The following USP24 variants were observed in gnomAD, a reference collection of about 807,000 sequenced individuals.
USP24 encodes ubiquitin carboxyl-terminal hydrolase 24.
USP24 carries 97 observed loss-of-function variants against 361.6 expected under a neutral mutation model. The ratio of observed to expected loss-of-function variants is 0.27; its 90% CI spans 0.23 to 0.32. USP24 has a LOEUF of 0.32. Among genes scored for constraint, USP24 ranks in the 10% least tolerant of loss-of-function variants. USP24 has a pLI of 1.00. For synonymous variants in USP24, 1,098 were observed against 1,124.6 expected (o/e 0.98, Z 0.47); for missense variants, 2,353 against 3,165.6 (o/e 0.74, Z 6.16).
intron 1 of USP24, among the ~76,000 whole-genome samples, chr1:55,178,852 CCTGT>C (rs1489689747): frequency 1.3e-5 from 2 of 152,142 alleles, no homozygotes; most frequent in African/African-American, 2.4e-5. Flanking sequence ...AGAGTGAGAG[CCTGT>C]CTCTCTACAA....
At position 55,147,184 on chromosome 1, in the gene USP24, GGTAAA is replaced by G. The variant is rs927796353; in HGVS notation, c.2119-129_2119-125del. 6.8e-5 allele frequency: 66 copies of G among 967,930 alleles called. No homozygotes were observed. The African/African-American group carries it at 1.0e-3, about 15-fold the overall frequency. 60.0% of individuals were successfully genotyped at this position (967,930 alleles called of 1,614,324 possible). On this transcript the variant is annotated intron_variant, in intron 18 of 67. Transcript: ENST00000294383. ...CTTAATCCTTTTTCATATAATTTAG[GGTAAA>G]GTAAATATTAGAATTCTGTTTACAA...
chr1:55,071,797 C>T lies in USP24; in HGVS notation c.7800+17G>A, dbSNP rs1264800121. ...CAAGGCTGCCCTTTGCACACAAGGA[C>T]ATGCTGACCGTTATACCTGCTGTAG... On this transcript the variant is annotated intron_variant, in intron 67 of 67. Transcript: ENST00000294383. The T allele has an allele frequency of 1.2e-6, 2 of 1,603,714 alleles. No homozygotes were observed. The highest frequency in any genetic ancestry group is 8.5e-7 in the Non-Finnish European group (1 of 1,173,912).
intron 1 of USP24, among the ~76,000 whole-genome samples, chr1:55,187,401 C>T (rs1181130123): frequency 1.3e-5 from 2 of 152,194 alleles, no homozygotes; most frequent in Non-Finnish European, 2.9e-5. Flanking sequence ...AAGATGTCTG[C>T]TCTCACAGCT....
rs370882652 is a variant in USP24, at chr1:55,129,551, T to A, written c.3561A>T (p.Pro1187=). 4.3e-6 allele frequency: 7 copies of A among 1,613,916 alleles called. No homozygotes were observed. Among genetic ancestry groups the A allele is most frequent in the Non-Finnish European group, 5.9e-6 (7 of 1,179,820 alleles). The change falls in exon 32 of 68, where the codon CCA becomes CCT. Residue 1187 remains proline (P), a synonymous_variant. Transcript: ENST00000294383. ...TTCTGGCCATGTCATCATCAGCTGT[T>A]GGCATGAGTTTGGAGCTTAGAACCT... is the stretch of plus-strand genomic sequence containing the variant. ...NLEVLSSKLM[P]TADDDMARSC...
chr1:55,084,987 G>C (rs1645221674), intron 56 of USP24, among the ~76,000 whole-genome samples: 1 of 152,208 alleles, frequency 6.6e-6, no homozygotes, highest in Admixed American at 6.5e-5. Context: ...AAGGATTCTT[G>C]ATGCATCTTA....
Position 55,132,694 on chromosome 1 carries a change from A to G in USP24, c.3388T>C (p.Leu1130=), listed in dbSNP as rs948307675. ...GACTGAGAACTTGATTCAGACAGCA[A>G]TGTTTTCTAAGTTTAAGAGAATGAG... ...QLDSLGRKKT[L]LSESSSQSSK... The change falls in exon 31 of 68, where the codon TTG becomes CTG. Residue 1130 remains leucine (L), a synonymous_variant. Transcript: ENST00000294383. 5 of 1,612,320 alleles carry G rather than the reference A, an allele frequency of 3.1e-6. No individual in the cohort carries two copies. Among genetic ancestry groups the G allele is most frequent in the African/African-American group, 2.7e-5 (2 of 74,894 alleles).
intron 28 of USP24, among the ~76,000 whole-genome samples, chr1:55,136,737 C>T (rs1646746614): frequency 6.6e-6 from 1 of 152,050 alleles, no homozygotes; most frequent in South Asian, 2.1e-4. Context: ...ATTTGAGATA[C>T]AACAAGGCTG....
At chr1:55,122,240 T>C (rs923921386) in intron 36 of USP24, among the ~76,000 whole-genome samples, 2 of 152,136 alleles carry the variant, frequency 1.3e-5, no homozygotes, top group Non-Finnish European at 2.9e-5. Context: ...AATTTTTTTA[T>C]AGGTGGTTGG....
chr1:55,214,055 C>CT (rs1644917498), intron 1 of USP24, among the ~76,000 whole-genome samples: 1 of 152,014 alleles, frequency 6.6e-6, no homozygotes, highest in Non-Finnish European at 1.5e-5. Context: ...CCATCCCTGC[C>CT]TAGACCCTCC....
intron 39 of USP24, among the ~76,000 whole-genome samples, chr1:55,109,827 A>C (rs958899464): frequency 1.3e-5 from 2 of 152,218 alleles, no homozygotes; most frequent in African/African-American, 4.8e-5. Flanking sequence ...CACTATCAAC[A>C]TGCCGCAACA....
Position 55,204,310 on chromosome 1 carries a change from ATACACT to A in USP24, c.324+10474_324+10479del, listed in dbSNP as rs562226527. Among the ~76,000 whole-genome samples the A allele has an allele frequency of 6.3e-3, 958 of 152,290 alleles. 15 individuals are homozygous for A. The highest frequency in any genetic ancestry group is 0.022 in the African/African-American group (898 of 41,556). ...CAATTTCTCTTTTTGGGAAAAACTG[ATACACT>A]TACGCTTTTAGGATAAAAAATAATG... On this transcript the variant is annotated intron_variant, in intron 1 of 67. Coordinates refer to ENST00000294383, the MANE Select transcript of USP24 (RefSeq NM_015306.3).
chr1:55,082,958 T>C lies in USP24; in HGVS notation c.6975+314A>G, dbSNP rs1362522809. Reference sequence around the variant, plus strand: ...TAAAAGAACCACCACCAAGACAGCCTTGTTCACAGCCCCAGAGAGGAAGTA... The same window carrying C: ...TAAAAGAACCACCACCAAGACAGCCCTGTTCACAGCCCCAGAGAGGAAGTA... On this transcript the variant is annotated intron_variant, in intron 58 of 67. Coordinates refer to ENST00000294383, the MANE Select transcript of USP24 (RefSeq NM_015306.3). Among the ~76,000 whole-genome samples the C allele has an allele frequency of 3.3e-5, 5 of 152,216 alleles. No individual in the cohort carries two copies. In the East Asian group the frequency reaches 9.6e-4, roughly 29 times the overall value.
chr1:55,074,017 A>G, intron 63 of USP24, 111 bp from the exon 64 acceptor site: 1 of 814,400 alleles, frequency 1.2e-6, no homozygotes, highest in African/African-American at 1.7e-5. Context: ...TAATAAACAG[A>G]TAAGGAACAA....
At chr1:55,179,092 T>C (rs1650306143) in intron 1 of USP24, among the ~76,000 whole-genome samples, 1 of 152,184 alleles carries the variant, frequency 6.6e-6, no homozygotes, top group African/African-American at 2.4e-5. Flanking sequence ...TTCTCCAAAA[T>C]GGCTACTGTT....
intron 21 of USP24, 90 bp from the exon 22 acceptor site, chr1:55,143,209 C>T: frequency 1.1e-6 from 1 of 928,246 alleles, no homozygotes; most frequent in South Asian, 2.2e-5. Context: ...CATCATGAGT[C>T]CACACCTCTT....
At chr1:55,161,271 T>C (rs952688446) in intron 8 of USP24, among the ~76,000 whole-genome samples, 8 of 150,906 alleles carry the variant, frequency 5.3e-5, no homozygotes, top group African/African-American at 1.5e-4. Flanking sequence ...ACTCAAGAGG[T>C]TGAGGCAGGA....
chr1:55,125,465 G>A lies in USP24; in HGVS notation c.3815C>T (p.Pro1272Leu). 6.2e-7 allele frequency: 1 copy of A among 1,613,978 alleles called. No individual in the cohort carries two copies. The highest frequency in any genetic ancestry group is 8.5e-7 in the Non-Finnish European group (1 of 1,179,876). Residue 1272 changes from proline (P) to leucine (L), a missense_variant, in exon 34 of 68, where the codon CCA (proline) becomes CTA (leucine). Around this residue, in one of 8 missense-constraint regions of USP24, gnomAD observed 949 missense variants for 1,280.5 expected, o/e 0.74. Coordinates refer to ENST00000294383, the MANE Select transcript of USP24 (RefSeq NM_015306.3). ...KDGIEALSSR[P>L]FRNVSRQTSR... The stretch of plus-strand genomic sequence containing the variant: ...TGTCTGCCGGCTGACATTTCGGAAT[G>A]GGCGGGAAGAAAGTGCTTCTATACC...
At chr1:55,190,495 C>A (rs867611719) in intron 1 of USP24, among the ~76,000 whole-genome samples, 2 of 152,154 alleles carry the variant, frequency 1.3e-5, no homozygotes, top group African/African-American at 4.8e-5. Flanking sequence ...AGCTCAGTAT[C>A]GTTCTATTGC....
intron 5 of USP24, 104 bp downstream of exon 5, chr1:55,171,452 C>A: frequency 7.4e-7 from 1 of 1,356,484 alleles, no homozygotes; most frequent in Non-Finnish European, 9.9e-7. Context: ...TGTCATTTTT[C>A]AGATTGTTTT....
Sources: gnomAD v4.1 joint callset for allele counts (sites outside exome capture counted in the v4.1 genomes callset) on GRCh38, gnomAD v4.1.1 for gene constraint, gnomAD v4.1.1 regional missense constraint, MANE v1.5 for transcripts, NCBI Gene and HGNC (gene_info 2026-07-23, HGNC 2026-07-21) for gene names.